RGS8: variants seen among roughly 807,000 people sequenced by gnomAD.
RGS8 encodes the protein regulator of G-protein signaling 8.
A neutral mutation model predicts 21.7 loss-of-function variants in RGS8; 8 were observed. The observed-to-expected ratio is 0.37, with a 90% CI of 0.22 to 0.66. RGS8 has a LOEUF of 0.66. RGS8 is among the 30% of genes least tolerant of loss of function. The pLI is 0.59. For synonymous variants in RGS8, 80 were observed against 83.6 expected (o/e 0.96, Z 0.24); for missense variants, 157 against 217.9 (o/e 0.72, Z 1.76).
Position 182,646,720 on chromosome 1 carries a change from G to T in RGS8, c.*15C>A, listed in dbSNP as rs941516659. On this transcript the variant is annotated 3_prime_UTR_variant, in exon 7 of 7. Transcript: ENST00000483095. ...AGGGGAAAGCCGGTGATTTCCAGGAGTTCCCTTCTGAGGTCTAACTGAGCC... is the reference window on the plus strand; with the variant it reads ...AGGGGAAAGCCGGTGATTTCCAGGATTTCCCTTCTGAGGTCTAACTGAGCC... The T allele has an allele frequency of 1.9e-6, 3 of 1,597,624 alleles. No individual in the cohort carries two copies. In the African/African-American group the frequency reaches 4.1e-5, roughly 22 times the overall value.
the RGS8 span, among the ~76,000 whole-genome samples, chr1:182,707,795 C>G: frequency 2.6e-5 from 4 of 152,178 alleles, no homozygotes; most frequent in African/African-American, 4.8e-5. Flanking sequence ...CAAGCTCTGC[C>G]TCCCGGGTTC....
chr1:182,653,061 C>T (rs1373192270), intron 5 of RGS8, among the ~76,000 whole-genome samples: 1 of 152,122 alleles, frequency 6.6e-6, no homozygotes, highest in East Asian at 1.9e-4. Flanking sequence ...GTGAAAGAGC[C>T]AGAAAGACAG....
At chr1:182,697,370 AT>A in the RGS8 span, among the ~76,000 whole-genome samples, 1 of 152,292 alleles carries the variant, frequency 6.6e-6, no homozygotes, top group East Asian at 1.9e-4. Context: ...TCTCCACTCA[AT>A]TTTCGCCCCT....
At position 182,646,692 on chromosome 1, in the gene RGS8, T is replaced by G. The variant is rs1274931903; in HGVS notation, c.*43A>C. The stretch of plus-strand genomic sequence containing the variant: ...ATTAGAATATGATCTTGGCAGCAAG[T>G]GGAGGGGAAAGCCGGTGATTTCCAG... On this transcript the variant is annotated 3_prime_UTR_variant, in exon 7 of 7. Coordinates refer to ENST00000483095, the Ensembl canonical transcript of RGS8. 4 of 1,544,040 alleles carry G rather than the reference T, an allele frequency of 2.6e-6. No individual in the cohort carries two copies. In the African/African-American group the frequency reaches 5.5e-5, roughly 21 times the overall value.
At chr1:182,721,008 CATATATACACATATATAT>C in the RGS8 span, among the ~76,000 whole-genome samples, 3 of 90,308 alleles carry the variant, frequency 3.3e-5, 1 homozygote, top group Non-Finnish European at 6.8e-5. Flanking sequence ...TGTATATATA[CATATATACACATATATAT>C]GTGTGTATAT....
chr1:182,716,561 T>G, the RGS8 span, among the ~76,000 whole-genome samples: 1 of 152,222 alleles, frequency 6.6e-6, no homozygotes, highest in Admixed American at 6.5e-5. Context: ...AGTGTATACA[T>G]TTTTAAATCT....
the RGS8 span, among the ~76,000 whole-genome samples, chr1:182,705,549 T>A: frequency 2.2e-5 from 3 of 135,590 alleles, no homozygotes; most frequent in African/African-American, 5.7e-5. Flanking sequence ...TTATAGCTAC[T>A]TTATCTAGAA....
chr1:182,749,013 A>G, the RGS8 span, among the ~76,000 whole-genome samples: 1 of 152,132 alleles, frequency 6.6e-6, no homozygotes, highest in African/African-American at 2.4e-5. Flanking sequence ...TGAAATGTAT[A>G]GTTTGCAAAT....
At chr1:182,723,676 C>T in the RGS8 span, among the ~76,000 whole-genome samples, 1 of 136,560 alleles carries the variant, frequency 7.3e-6, no homozygotes, top group African/African-American at 2.6e-5. Context: ...GGTCTAAAAC[C>T]AGGAAGCCCA....
At chr1:182,682,877 A>G (rs12121122) in intron 1 of RGS8, among the ~76,000 whole-genome samples, 16,730 of 151,906 alleles carry the variant, frequency 0.11, 1,214 homozygotes, top group African/African-American at 0.2. Context: ...GCCCCTTGCT[A>G]TAGTGGCATG....
At chr1:182,671,592 G>T in intron 2 of RGS8, 65 bp downstream of exon 3, 1 of 1,407,008 alleles carries the variant, frequency 7.1e-7, no homozygotes, top group South Asian at 1.2e-5. Context: ...AATTAAATAT[G>T]GATAATGCAA....
the RGS8 span, among the ~76,000 whole-genome samples, chr1:182,702,036 A>G: frequency 6.6e-6 from 1 of 152,208 alleles, no homozygotes; most frequent in Non-Finnish European, 1.5e-5. Flanking sequence ...GAGGTTTCTC[A>G]AAGAACTTAG....
chr1:182,704,662 G>A, the RGS8 span, among the ~76,000 whole-genome samples: 1 of 152,216 alleles, frequency 6.6e-6, no homozygotes, highest in Non-Finnish European at 1.5e-5. Context: ...AGAGGAATCG[G>A]GGATGCGGAT....
In RGS8 at chr1:182,668,338, C is replaced by G. The variant is rs975988193; in HGVS notation, c.26+1286G>C. On this transcript the variant is annotated intron_variant, in intron 3 of 6. Coordinates refer to ENST00000483095, the Ensembl canonical transcript of RGS8. ...CCGCTTGCACATTTGCAACAATTTGCCACAGAAATAGTCCTAGAAGATGCC... is the reference window on the plus strand; with the variant it reads ...CCGCTTGCACATTTGCAACAATTTGGCACAGAAATAGTCCTAGAAGATGCC... 5.9e-5 allele frequency among the ~76,000 whole-genome samples: 9 copies of G among 152,320 alleles called. No individual in the cohort carries two copies. The East Asian group carries it at 1.7e-3, about 29-fold the overall frequency.
the RGS8 span, among the ~76,000 whole-genome samples, chr1:182,704,818 C>T: frequency 1.3e-5 from 2 of 152,164 alleles, no homozygotes; most frequent in African/African-American, 4.8e-5. Flanking sequence ...TCGCACAAGA[C>T]ACCTCCAGCC....
At chr1:182,646,026 T>C (rs1662688490), downstream of RGS8, 1 of 152,214 alleles carries the variant, frequency 6.6e-6, no homozygotes, top group Admixed American at 6.5e-5. Context: ...TAATGGCAGT[T>C]CCACTTCAGA....
At chr1:182,722,304 C>T in the RGS8 span, among the ~76,000 whole-genome samples, 3 of 141,826 alleles carry the variant, frequency 2.1e-5, no homozygotes, top group Non-Finnish European at 3.0e-5. Context: ...TATTTGTTAT[C>T]CATTGCTGCC....
intron 4 of RGS8, 145 bp from the exon 6 acceptor site, chr1:182,666,178 C>A: frequency 1.7e-6 from 1 of 583,824 alleles, no homozygotes; most frequent in Non-Finnish European, 3.1e-6. Context: ...TGGATTCCTG[C>A]AATTCTGTCA....
chr1:182,735,694 C>T, the RGS8 span, among the ~76,000 whole-genome samples: 2 of 152,244 alleles, frequency 1.3e-5, no homozygotes, highest in East Asian at 3.8e-4. Context: ...TGCCTCTACA[C>T]AGCCTGATTG....
Sources: gnomAD v4.1 joint callset for allele counts (sites outside exome capture counted in the v4.1 genomes callset) on GRCh38, gnomAD v4.1.1 for gene constraint, MANE v1.5 for transcripts, NCBI Gene and HGNC (gene_info 2026-07-23, HGNC 2026-07-21) for gene names.